APC: variants seen among roughly 807,000 people sequenced by gnomAD.
APC encodes the protein adenomatous polyposis coli protein.
A neutral mutation model predicts 247.0 loss-of-function variants in APC; 72 were observed. The ratio of observed to expected loss-of-function variants is 0.29; its 90% confidence interval spans 0.24 to 0.35. The LOEUF (loss-of-function observed/expected upper bound fraction) is 0.35. APC is among the 10% of genes least tolerant of loss of function. APC has a pLI of 1.00. For missense variants in APC, 3,400 were observed against 3,360.7 expected, an observed-to-expected ratio of 1.01 and a Z score of -0.29; for synonymous variants, 1,254 against 1,162.5, an observed-to-expected ratio of 1.08 and a Z score of -1.60.
At chr5:112,796,235 G>A (rs1164114306) in intron 7 of APC, among the ~76,000 whole-genome samples, 1 of 152,182 alleles carries the variant, frequency 6.6e-6, no homozygotes, top group Non-Finnish European at 1.5e-5. Flanking sequence ...TAACAATAAA[G>A]TGGAACTGAA....
intron 5 of APC, among the ~76,000 whole-genome samples, chr5:112,779,652 A>G (rs1441703460): frequency 6.6e-6 from 1 of 152,068 alleles, no homozygotes; most frequent in South Asian, 2.1e-4. Flanking sequence ...ATTGCAACAT[A>G]CTGTGTCATG....
At chr5:112,814,364 T>C (rs761729880) in intron 8 of APC, among the ~76,000 whole-genome samples, 7 of 152,014 alleles carry the variant, frequency 4.6e-5, no homozygotes, top group Non-Finnish European at 5.9e-5. Context: ...GTGAGCTCAG[T>C]TCCCCCAATG....
upstream of APC, among the ~76,000 whole-genome samples, chr5:112,734,783 G>C (rs1054601425): frequency 8.7e-6 from 1 of 115,490 alleles, no homozygotes; most frequent in Non-Finnish European, 2.0e-5. Flanking sequence ...TTTCTTGTGT[G>C]TGTGTGTGTG....
rs181639440 is a variant in APC, at chr5:112,772,539, C to T, written c.423-3090C>T. On this transcript the variant is annotated intron_variant, in intron 4 of 15. Coordinates refer to ENST00000257430, the MANE Select transcript of APC (RefSeq NM_000038.6). Reference sequence around the variant, plus strand: ...CTCTTTTTTTTTTTTTTTTTTAAGACGAAATCTCACTCTGTCACCTAGGCT... The same window carrying T: ...CTCTTTTTTTTTTTTTTTTTTAAGATGAAATCTCACTCTGTCACCTAGGCT... Among the ~76,000 whole-genome samples, 510 of 143,398 alleles carry T rather than the reference C, an allele frequency of 3.6e-3. 1 individual carries two copies. Among genetic ancestry groups the T allele is most frequent in the Non-Finnish European group, 5.0e-3 (334 of 66,404 alleles). The allele number at this position is 143,398 out of a possible 152,430, so 94.1% of individuals were successfully genotyped here.
intron 5 of APC, chr5:112,778,188 A>AT (rs1292950891): frequency 1.0e-4 from 21 of 201,844 alleles, no homozygotes; most frequent in Non-Finnish European, 2.2e-4. Flanking sequence ...ATTGGAGGCC[A>AT]TTTTTTATTG....
rs2149699056 is a variant in APC at position 112,743,231 on chromosome 5, T to C, written c.-19+5306T>C. 1.3e-5 allele frequency among the ~76,000 whole-genome samples: 2 copies of C among 152,356 alleles called. 1 individual carries two copies. The highest frequency in any genetic ancestry group is 4.8e-5 in the African/African-American group (2 of 41,586). On this transcript the variant is annotated intron_variant, in intron 1 of 15. Transcript: ENST00000257430. ...TTCTTCTCTGACCCTTCTGCCTCCT[T>C]CTTAAAAGAACCTTTGTGATTACAT...
Position 112,836,179 on chromosome 5 carries a change from C to CA in APC, c.1958+1014_1958+1015insA, listed in dbSNP as rs59264373. On this transcript the variant is annotated intron_variant, in intron 15 of 15. Transcript: ENST00000257430. ...GGGATTACAGGTCCCCCCCCCCCCC[C>CA]GCCACCGTGCCCGGCTAATTTTTAT... 7.7e-5 allele frequency among the ~76,000 whole-genome samples: 5 copies of CA among 64,866 alleles called. 1 individual carries two copies. The South Asian group carries it at 4.5e-3, about 58-fold the overall frequency. The allele number at this position is 64,866 out of a possible 152,430, so 42.6% of individuals were successfully genotyped here.
At chr5:112,716,966 A>G (rs1751206227) in intron 1 of APC, among the ~76,000 whole-genome samples, 1 of 152,110 alleles carries the variant, frequency 6.6e-6, no homozygotes, top group Non-Finnish European at 1.5e-5. Context: ...CTTTAATTCT[A>G]CTTACTTGCA....
At chr5:112,778,971 A>G (rs1387349589) in intron 5 of APC, among the ~76,000 whole-genome samples, 1 of 152,110 alleles carries the variant, frequency 6.6e-6, no homozygotes, top group Admixed American at 6.5e-5. Flanking sequence ...AAAGAGAGAA[A>G]ACCGTTTTGA....
intron 1 of APC, among the ~76,000 whole-genome samples, chr5:112,723,615 G>A (rs1184456020): frequency 6.6e-6 from 1 of 152,132 alleles, no homozygotes; most frequent in Non-Finnish European, 1.5e-5. Context: ...CATCTGTCAT[G>A]GTCCCATAGG....
At chr5:112,773,487 A>G (rs1327556141) in intron 4 of APC, among the ~76,000 whole-genome samples, 1 of 152,158 alleles carries the variant, frequency 6.6e-6, no homozygotes, top group Non-Finnish European at 1.5e-5. Flanking sequence ...TATATATATA[A>G]CTTTTGACTG....
chr5:112,759,195 C>A (rs1319285495), intron 2 of APC, among the ~76,000 whole-genome samples: 1 of 151,952 alleles, frequency 6.6e-6, no homozygotes, highest in Non-Finnish European at 1.5e-5. Context: ...GTACTTATAT[C>A]TGGTAATGAA....
chr5:112,780,663 T>A, intron 5 of APC, 127 bp from the exon 6 acceptor site: 1 of 672,070 alleles, frequency 1.5e-6, no homozygotes, highest in East Asian at 2.9e-5. Context: ...AAAAAATAAT[T>A]TTCTCATGCA....
chr5:112,818,757 A>G (rs1008805656), intron 9 of APC, among the ~76,000 whole-genome samples: 1 of 151,858 alleles, frequency 6.6e-6, no homozygotes, highest in Non-Finnish European at 1.5e-5. Context: ...ATTTACTCAC[A>G]TAAACAAATT....
intron 8 of APC, 88 bp downstream of exon 8, chr5:112,801,471 T>G (rs1760821638): frequency 9.9e-7 from 1 of 1,006,746 alleles, no homozygotes. Context: ...GATCTATAAA[T>G]CTTACCTATT....
At chr5:112,740,180 C>G (rs1235602163) in intron 1 of APC, among the ~76,000 whole-genome samples, 1 of 152,060 alleles carries the variant, frequency 6.6e-6, no homozygotes, top group Non-Finnish European at 1.5e-5. Context: ...TTAAAAAATA[C>G]CTGGTGACTA....
rs2149976923 is a variant in APC at position 112,842,540 on chromosome 5, C to A, written c.6946C>A (p.Pro2316Thr). 1 of 1,613,996 alleles carries A rather than the reference C, an allele frequency of 6.2e-7. No individual in the cohort carries two copies. The highest frequency in any genetic ancestry group is 8.5e-7 in the Non-Finnish European group (1 of 1,179,938). Residue 2316 changes from proline to threonine, a missense_variant, in exon 16 of 16, where the codon CCA becomes ACA. By Grantham distance (38) the Pro-to-Thr change is conservative. Coordinates refer to ENST00000257430, the MANE Select transcript of APC (RefSeq NM_000038.6). The stretch of plus-strand genomic sequence containing the variant: ...GACCCCTTCAAGACCTGCCCAGCAA[C>A]CATTAAGTAGACCTATACAGTCTCC... ...DSTPSRPAQQ[P>T]LSRPIQSPGR...
At chr5:112,829,715 T>C (rs1478121113) in intron 14 of APC, 1 of 152,294 alleles carries the variant, frequency 6.6e-6, no homozygotes, top group Non-Finnish European at 1.5e-5. Context: ...CTCCAGATAC[T>C]GTCAGATGTC....
intron 14 of APC, among the ~76,000 whole-genome samples, chr5:112,832,711 C>G (rs1764423275): frequency 6.6e-6 from 1 of 152,200 alleles, no homozygotes; most frequent in Admixed American, 6.5e-5. Context: ...GGATTCTCTT[C>G]TCTGGGAATG....
Sources: allele counts gnomAD v4.1 joint callset (sites outside exome capture counted in the v4.1 genomes callset), GRCh38; gene constraint gnomAD v4.1.1; transcripts MANE v1.5; gene names NCBI Gene and HGNC (gene_info 2026-07-23, HGNC 2026-07-21).